Variants in POLA1 observed in about 807,000 individuals in gnomAD.
The protein encoded by POLA1 is DNA polymerase alpha catalytic subunit.
In POLA1, 15 loss-of-function variants were observed where a neutral mutation model predicts 124.0. The observed-to-expected ratio is 0.12, with a 90% CI of 0.08 to 0.19. The LOEUF is 0.19. Ranked by LOEUF, POLA1 falls within the 10% of genes least tolerant of loss-of-function variation. The pLI is 1.00. For missense variants in POLA1, 886 were observed against 1,103.4 expected (o/e 0.80, Z 2.79); for synonymous variants, 408 against 389.4 (o/e 1.05, Z -0.56).
chrX:24,754,278 G>A (rs1395534472), intron 26 of POLA1, among the ~76,000 whole-genome samples: 1 of 108,485 alleles, frequency 9.2e-6, no homozygotes, highest in Non-Finnish European at 1.9e-5. Flanking sequence ...GGGCAGGGGG[G>A]CAGAGTTTCA....
At chrX:24,723,862 G>A (rs969935553) in intron 11 of POLA1, among the ~76,000 whole-genome samples, 1 of 112,091 alleles carries the variant, frequency 8.9e-6, no homozygotes, top group Non-Finnish European at 1.9e-5. Context: ...TGTATTTTTA[G>A]TAGATACAGG....
chrX:24,762,536 A>G (rs949497102), intron 26 of POLA1, among the ~76,000 whole-genome samples: 2 of 111,127 alleles, frequency 1.8e-5, no homozygotes, highest in Non-Finnish European at 3.8e-5. Flanking sequence ...TGGAAGAATA[A>G]GCATTCTAGA....
intron 24 of POLA1, among the ~76,000 whole-genome samples, chrX:24,745,943 A>C (rs1416204028): frequency 8.9e-6 from 1 of 111,972 alleles, no homozygotes; most frequent in Non-Finnish European, 1.9e-5. Context: ...ATTTTGTAGA[A>C]TGTACTAGTA....
At chrX:24,935,735 A>C (rs1156855259) in intron 36 of POLA1, among the ~76,000 whole-genome samples, 1 of 111,525 alleles carries the variant, frequency 9.0e-6, no homozygotes, top group Non-Finnish European at 1.9e-5. Flanking sequence ...CTTGTTTCCT[A>C]ACATGCCACC....
intron 36 of POLA1, among the ~76,000 whole-genome samples, chrX:24,990,760 C>T (rs1160645466): frequency 2.7e-5 from 3 of 111,625 alleles, no homozygotes; most frequent in Non-Finnish European, 5.6e-5. Context: ...AGTTGGAGCG[C>T]GTTTTGTAGG....
At chrX:24,926,753 G>T (rs192507017) in intron 35 of POLA1, among the ~76,000 whole-genome samples, 1 of 110,945 alleles carries the variant, frequency 9.0e-6, no homozygotes, top group African/African-American at 3.3e-5. Context: ...GAACTACCTG[G>T]CAGCCCTTTA....
At chrX:24,719,089 T>G (rs1213563569) in intron 10 of POLA1, among the ~76,000 whole-genome samples, 3 of 111,731 alleles carry the variant, frequency 2.7e-5, no homozygotes, top group Non-Finnish European at 3.8e-5. Context: ...CAGAGTTGTC[T>G]TTATTTAGAT....
chrX:24,712,147 G>A (rs1031485077), intron 4 of POLA1, among the ~76,000 whole-genome samples: 2 of 111,182 alleles, frequency 1.8e-5, no homozygotes, highest in African/African-American at 6.6e-5. Flanking sequence ...GTGCAGTGGT[G>A]CGGTCTCAGG....
At chrX:24,955,185 A>T (rs1400597734) in intron 36 of POLA1, among the ~76,000 whole-genome samples, 12 of 88,693 alleles carry the variant, frequency 1.4e-4, no homozygotes, top group Non-Finnish European at 1.7e-4. Context: ...TTTTTTTTTG[A>T]GACAGTCTCA....
intron 34 of POLA1, among the ~76,000 whole-genome samples, chrX:24,850,851 C>T (rs1405986734): frequency 2.7e-5 from 3 of 112,181 alleles, no homozygotes; most frequent in African/African-American, 9.7e-5. Flanking sequence ...ATCACTGTTC[C>T]AATCTGAGAC....
chrX:24,813,834 GAA>G (rs2045944473), intron 29 of POLA1, among the ~76,000 whole-genome samples: 1 of 90,556 alleles, frequency 1.1e-5, no homozygotes, highest in Non-Finnish European at 2.2e-5. Context: ...AAAAAAAAAA[GAA>G]TTTTTAGGTG....
chrX:24,866,231 C>T (rs1206192610), intron 34 of POLA1, among the ~76,000 whole-genome samples: 1 of 111,939 alleles, frequency 8.9e-6, no homozygotes, highest in Non-Finnish European at 1.9e-5. Flanking sequence ...TTTTGTGTTT[C>T]AGCATAGATT....
At chrX:24,819,446 A>G (rs756207190) in intron 30 of POLA1, among the ~76,000 whole-genome samples, 13 of 110,081 alleles carry the variant, frequency 1.2e-4, no homozygotes, top group Non-Finnish European at 2.3e-4. Context: ...TCAGAATAAC[A>G]GTAGTTTGCC....
rs772783071 is a variant in POLA1, at chrX:24,839,294, GA to G, written c.3737-2348del. Reference sequence around the variant, plus strand: ...TGAGATTGAAGCTCCTTCCCCTGGGGAAAAAAAAAATCACCTTGGGAATAAA... The same window carrying G: ...TGAGATTGAAGCTCCTTCCCCTGGGGAAAAAAAAATCACCTTGGGAATAAA... On this transcript the variant is annotated intron_variant, in intron 32 of 36. Coordinates refer to ENST00000379068, the MANE Select transcript of POLA1 (RefSeq NM_001330360.2). Among the ~76,000 whole-genome samples, 452 of 107,730 alleles carry G rather than the reference GA, an allele frequency of 4.2e-3. 2 individuals are homozygous for G. Among genetic ancestry groups the G allele is most frequent in the Non-Finnish European group, 6.9e-3 (355 of 51,674 alleles). The allele number at this position is 107,730 out of a possible 115,157, so 93.6% of individuals were successfully genotyped here.
intron 26 of POLA1, among the ~76,000 whole-genome samples, chrX:24,785,505 GA>G (rs1213190321): frequency 8.9e-6 from 1 of 111,913 alleles, no homozygotes; most frequent in Non-Finnish European, 1.9e-5. Flanking sequence ...TCGAAAAAGT[GA>G]TTGCCTTTTA....
intron 26 of POLA1, among the ~76,000 whole-genome samples, chrX:24,796,640 C>T (rs973633768): frequency 9.0e-6 from 1 of 111,354 alleles, no homozygotes; most frequent in Non-Finnish European, 1.9e-5. Flanking sequence ...CCAGGCATTT[C>T]GAAGAGTTCT....
At chrX:24,814,109 T>C (rs1177263222) in intron 29 of POLA1, among the ~76,000 whole-genome samples, 1 of 112,164 alleles carries the variant, frequency 8.9e-6, no homozygotes, top group African/African-American at 3.2e-5. Flanking sequence ...AAATGCTTCA[T>C]TGCCCCCAAG....
At chrX:24,861,518 C>A (rs569820487) in intron 34 of POLA1, among the ~76,000 whole-genome samples, 11 of 112,751 alleles carry the variant, frequency 9.8e-5, no homozygotes, top group African/African-American at 3.5e-4. Context: ...ATAGGAACAA[C>A]TCATTTTCTA....
chrX:24,895,767 T>C (rs1356202463), intron 35 of POLA1, among the ~76,000 whole-genome samples: 2 of 112,580 alleles, frequency 1.8e-5, no homozygotes, highest in Non-Finnish European at 3.8e-5. Context: ...AAGATCTCTC[T>C]TTTGTCTTCT....
Sources: allele counts gnomAD v4.1 joint callset (sites outside exome capture counted in the v4.1 genomes callset), GRCh38; gene constraint gnomAD v4.1.1; transcripts MANE v1.5; gene names NCBI Gene and HGNC (gene_info 2026-07-23, HGNC 2026-07-21).